The following GRID1 variants were observed in gnomAD, a reference collection of about 807,000 sequenced individuals.
GRID1 encodes the protein glutamate receptor ionotropic, delta-1.
In GRID1, 28 loss-of-function variants were observed where a neutral mutation model predicts 98.0. That is an observed-to-expected ratio of 0.29 (90% CI 0.21 to 0.39). The LOEUF (loss-of-function observed/expected upper bound fraction) is 0.39. Ranked by LOEUF, GRID1 falls within the 10% of genes least tolerant of loss-of-function variation. The probability of loss-of-function intolerance (pLI) is 1.00; values close to 1 mark genes in which losing one functional copy is unlikely to be tolerated. For synonymous variants in GRID1, 553 were observed against 538.5 expected (o/e 1.03, Z -0.37); for missense variants, 1,111 against 1,340.5 (o/e 0.83, Z 2.67).
intron 8 of GRID1, among the ~76,000 whole-genome samples, chr10:85,741,084 CTT>C (rs1841938812): frequency 6.6e-6 from 1 of 152,122 alleles, no homozygotes; most frequent in Non-Finnish European, 1.5e-5. Flanking sequence ...GAGACCATCT[CTT>C]CTTCATTTTG....
At position 86,195,851 on chromosome 10, in the gene GRID1, G is replaced by C. The variant is rs1845864634; in HGVS notation, c.520+10513C>G. Among the ~76,000 whole-genome samples, 1 of 152,064 alleles carries C rather than the reference G, an allele frequency of 6.6e-6. No individual in the cohort carries two copies. Among genetic ancestry groups the C allele is most frequent in the Non-Finnish European group, 1.5e-5 (1 of 67,964 alleles). ...CTGCCACCTGGATCAAAACCACCAG[G>C]CTTCCTGCAGTCCAGAACTAGTCAC... On this transcript the variant is annotated intron_variant, in intron 3 of 15. Transcript: ENST00000327946. The surrounding 1 kb of genome is among the most constrained non-coding windows in gnomAD (Gnocchi z 4.4).
chr10:85,855,465 C>A (rs942550153), intron 7 of GRID1, among the ~76,000 whole-genome samples: 1 of 152,236 alleles, frequency 6.6e-6, no homozygotes, highest in Non-Finnish European at 1.5e-5. Context: ...TTCTCACCTA[C>A]ACTAAAGCAT....
chr10:86,119,892 G>A (rs1021463796), intron 4 of GRID1, among the ~76,000 whole-genome samples: 3 of 152,072 alleles, frequency 2.0e-5, no homozygotes, highest in Admixed American at 1.3e-4. Context: ...CTGGGTTCAC[G>A]CCATTCTCCT....
At chr10:85,768,710 T>G (rs190307992) in intron 8 of GRID1, among the ~76,000 whole-genome samples, 1 of 152,308 alleles carries the variant, frequency 6.6e-6, no homozygotes, top group Non-Finnish European at 1.5e-5. Context: ...ACCTAACAGG[T>G]TGGCAAAAAT....
intron 2 of GRID1, among the ~76,000 whole-genome samples, chr10:86,305,502 C>T (rs1847747318): frequency 6.6e-6 from 1 of 152,234 alleles, no homozygotes; most frequent in Admixed American, 6.5e-5. Context: ...CTGCCTTCTC[C>T]TTGGTCCCTC....
At chr10:86,302,017 C>T (rs1468322832) in intron 2 of GRID1, among the ~76,000 whole-genome samples, 1 of 152,214 alleles carries the variant, frequency 6.6e-6, no homozygotes, top group African/African-American at 2.4e-5. Context: ...GACTGGCCCT[C>T]ACTCTACTTC....
intron 4 of GRID1, among the ~76,000 whole-genome samples, chr10:86,132,084 G>A (rs1474823043): frequency 1.3e-5 from 2 of 152,176 alleles, no homozygotes; most frequent in African/African-American, 4.8e-5. Context: ...AGGCTCTGAG[G>A]GATGTGACAG....
At chr10:86,025,784 C>T (rs1276007692) in intron 4 of GRID1, among the ~76,000 whole-genome samples, 1 of 152,216 alleles carries the variant, frequency 6.6e-6, no homozygotes, top group Non-Finnish European at 1.5e-5. Context: ...AGTGGGGCTT[C>T]TCCCTGTGAA....
chr10:85,742,632 C>T (rs111331442), intron 8 of GRID1, among the ~76,000 whole-genome samples: 229 of 152,266 alleles, frequency 1.5e-3, no homozygotes, highest in African/African-American at 5.0e-3. Flanking sequence ...CCCATTTTCA[C>T]GGCACTGATC....
At chr10:86,006,387 G>A (rs546063801) in intron 4 of GRID1, among the ~76,000 whole-genome samples, 117 of 152,300 alleles carry the variant, frequency 7.7e-4, no homozygotes, top group African/African-American at 2.6e-3. Flanking sequence ...TTGGGAGGCC[G>A]AGGTGAGCGG....
chr10:85,881,891 T>C (rs1192113571), intron 5 of GRID1, among the ~76,000 whole-genome samples: 2 of 152,112 alleles, frequency 1.3e-5, no homozygotes, highest in Non-Finnish European at 1.5e-5. Context: ...AAAGGGCTAC[T>C]ATCCAGAATC....
chr10:85,729,706 C>A, intron 8 of GRID1, 92 bp from the exon 9 acceptor site: 2 of 745,238 alleles, frequency 2.7e-6, no homozygotes, highest in South Asian at 1.7e-5. Context: ...CTGAATTAGG[C>A]AGGTAGGTGA....
intron 12 of GRID1, among the ~76,000 whole-genome samples, chr10:85,694,680 C>T (rs544199135): frequency 6.8e-5 from 10 of 147,450 alleles, no homozygotes; most frequent in Admixed American, 4.2e-4. Context: ...AGGATATTAC[C>T]GTAAGTGAAA....
chr10:85,611,914 T>C (rs1842736201), intron 15 of GRID1, among the ~76,000 whole-genome samples: 1 of 152,216 alleles, frequency 6.6e-6, no homozygotes, highest in Non-Finnish European at 1.5e-5. Context: ...CAGGGCCTTT[T>C]CCTCAAAGGT....
Position 86,264,775 on chromosome 10 carries a change from C to A in GRID1, c.236-58127G>T, listed in dbSNP as rs752876058. The A allele has an allele frequency of 1.8e-5, 9 of 492,776 alleles. No individual in the cohort carries two copies. The East Asian group carries it at 4.8e-4, about 27-fold the overall frequency. The allele number at this position is 492,776 out of a possible 1,614,324, so 30.5% of individuals were successfully genotyped here. A position where few individuals can be genotyped will look rare whatever the true frequency, so the allele number is the denominator to read the frequency against. ...GGCAGGCATGCGGGCAGACAGACGC[C>A]CAACACAGAGACCTCCCACACGCTC... On this transcript the variant is annotated intron_variant, in intron 2 of 15. Transcript: ENST00000327946.
chr10:85,991,873 G>A (rs998023870), intron 4 of GRID1, among the ~76,000 whole-genome samples: 2 of 152,136 alleles, frequency 1.3e-5, no homozygotes, highest in African/African-American at 4.8e-5. Context: ...TGGGAGGAGG[G>A]TTGCTTTCTT....
chr10:85,683,347 A>T (rs1841232268), intron 12 of GRID1, among the ~76,000 whole-genome samples: 1 of 152,236 alleles, frequency 6.6e-6, no homozygotes, highest in African/African-American at 2.4e-5. Context: ...TGCCAAAACA[A>T]TTGACGAGAT....
At chr10:86,018,940 C>A (rs1843013772) in intron 4 of GRID1, among the ~76,000 whole-genome samples, 1 of 152,170 alleles carries the variant, frequency 6.6e-6, no homozygotes, top group Non-Finnish European at 1.5e-5. Flanking sequence ...CATGATGGGC[C>A]TTCTCCAAAA....
chr10:85,705,680 C>T (rs910301256), intron 12 of GRID1, among the ~76,000 whole-genome samples: 1 of 152,190 alleles, frequency 6.6e-6, no homozygotes, highest in Non-Finnish European at 1.5e-5. Context: ...ACCAATATCC[C>T]TGATGAACAT....
Sources: allele counts gnomAD v4.1 joint callset (sites outside exome capture counted in the v4.1 genomes callset), GRCh38; gene constraint gnomAD v4.1.1; non-coding constraint Gnocchi (gnomAD v3.1); transcripts MANE v1.5; gene names NCBI Gene and HGNC (gene_info 2026-07-23, HGNC 2026-07-21).